Variants in IGF2BP2 observed in about 807,000 individuals in gnomAD.
IGF2BP2 encodes insulin-like growth factor 2 mRNA-binding protein 2.
A neutral mutation model predicts 75.8 loss-of-function variants in IGF2BP2; 17 were observed. The ratio of observed to expected loss-of-function variants is 0.22; its 90% CI spans 0.15 to 0.34. The LOEUF (loss-of-function observed/expected upper bound fraction) is 0.34. IGF2BP2 is among the 10% of genes least tolerant of loss of function. IGF2BP2 has a pLI of 1.00. For synonymous variants in IGF2BP2, 288 were observed against 295.6 expected (o/e 0.97, Z 0.26); for missense variants, 516 against 772.4 (o/e 0.67, Z 3.93).
chr3:185,702,225 C>T (rs1723403260), intron 2 of IGF2BP2, among the ~76,000 whole-genome samples: 1 of 152,248 alleles, frequency 6.6e-6, no homozygotes, highest in Admixed American at 6.5e-5. Context: ...GAAGAGCACT[C>T]CTGCTGCTGG....
chr3:185,676,356 C>T (rs920543976), intron 7 of IGF2BP2, among the ~76,000 whole-genome samples: 2 of 152,088 alleles, frequency 1.3e-5, no homozygotes, highest in African/African-American at 2.4e-5. Flanking sequence ...AGCTGAGAAG[C>T]TATAATATGA....
intron 2 of IGF2BP2, chr3:185,713,267 T>C (rs889170780): frequency 5.6e-6 from 2 of 354,158 alleles, no homozygotes; most frequent in Non-Finnish European, 5.6e-6. Flanking sequence ...TGTTGGTTAA[T>C]TAGTAATATA....
At chr3:185,738,976 CAA>C (rs1321812593) in intron 2 of IGF2BP2, among the ~76,000 whole-genome samples, 2 of 151,696 alleles carry the variant, frequency 1.3e-5, no homozygotes, top group East Asian at 3.9e-4. Flanking sequence ...ATTGGAGCTA[CAA>C]AAAAAGTCAC....
At chr3:185,720,073 A>G (rs1215275131) in intron 2 of IGF2BP2, among the ~76,000 whole-genome samples, 1 of 152,166 alleles carries the variant, frequency 6.6e-6, no homozygotes, top group Non-Finnish European at 1.5e-5. Flanking sequence ...CCCCCAGGCA[A>G]CCTTCCATCA....
At chr3:185,821,678 A>C (rs902096265) in intron 2 of IGF2BP2, among the ~76,000 whole-genome samples, 4 of 152,174 alleles carry the variant, frequency 2.6e-5, no homozygotes, top group African/African-American at 7.2e-5. Context: ...AGTATTCACA[A>C]CCGCAAACAG....
intron 2 of IGF2BP2, among the ~76,000 whole-genome samples, chr3:185,798,624 G>A (rs957253368): frequency 1.3e-5 from 2 of 152,016 alleles, no homozygotes; most frequent in Admixed American, 1.3e-4. Flanking sequence ...TGATCAGGAC[G>A]TTAACACCCA....
Position 185,768,223 on chromosome 3 carries a change from G to A in IGF2BP2, c.239+54930C>T, listed in dbSNP as rs537317493. ...TAGCTCTTTACCTCCTACAGAAAAA[G>A]GAAAAAGGAAAGTTGAGAACTTTCC... is the stretch of plus-strand genomic sequence containing the variant. On this transcript the variant is annotated intron_variant, in intron 2 of 15. Coordinates refer to ENST00000382199, the MANE Select transcript of IGF2BP2 (RefSeq NM_006548.6). Among the ~76,000 whole-genome samples, 3 of 152,222 alleles carry A rather than the reference G, an allele frequency of 2.0e-5. No individual in the cohort carries two copies. The South Asian group carries it at 6.2e-4, about 32-fold the overall frequency.
At chr3:185,720,407 C>T (rs1027704410) in intron 2 of IGF2BP2, among the ~76,000 whole-genome samples, 2 of 152,180 alleles carry the variant, frequency 1.3e-5, no homozygotes, top group African/African-American at 4.8e-5. Context: ...TGTAATGGTG[C>T]GATCTCGACT....
intron 2 of IGF2BP2, among the ~76,000 whole-genome samples, chr3:185,742,849 C>T (rs957220356): frequency 2.0e-4 from 31 of 152,226 alleles, no homozygotes; most frequent in African/African-American, 6.7e-4. Flanking sequence ...GCCTGTAATC[C>T]CAGCACTTTG....
chr3:185,685,552 T>C (rs1382937161), intron 7 of IGF2BP2, among the ~76,000 whole-genome samples: 1 of 152,214 alleles, frequency 6.6e-6, no homozygotes, highest in Non-Finnish European at 1.5e-5. Context: ...ATCTTGGTTT[T>C]GGAACACTCA....
intron 2 of IGF2BP2, chr3:185,728,694 A>C (rs1727708922): frequency 6.6e-6 from 1 of 152,224 alleles, no homozygotes; most frequent in Non-Finnish European, 1.5e-5. Flanking sequence ...CAGAGAGTAC[A>C]CAGTCACGAA....
chr3:185,793,632 AAG>A (rs1261687011), intron 2 of IGF2BP2, among the ~76,000 whole-genome samples: 2 of 152,206 alleles, frequency 1.3e-5, no homozygotes, highest in African/African-American at 4.8e-5. Context: ...CAGCCTAGGT[AAG>A]AGAGACTCTT....
At chr3:185,815,731 T>C (rs1740514361) in intron 2 of IGF2BP2, among the ~76,000 whole-genome samples, 1 of 152,100 alleles carries the variant, frequency 6.6e-6, no homozygotes, top group African/African-American at 2.4e-5. Flanking sequence ...TTCTTTCACC[T>C]ATTTTTTTTT....
At chr3:185,723,781 A>G (rs1315348883) in intron 2 of IGF2BP2, among the ~76,000 whole-genome samples, 1 of 152,196 alleles carries the variant, frequency 6.6e-6, no homozygotes, top group Non-Finnish European at 1.5e-5. Flanking sequence ...AAGAACAGAC[A>G]GCATACGATG....
At chr3:185,715,661 G>T (rs1254617429) in intron 2 of IGF2BP2, among the ~76,000 whole-genome samples, 5 of 147,352 alleles carry the variant, frequency 3.4e-5, no homozygotes, top group Non-Finnish European at 6.0e-5. Flanking sequence ...CTTTTTTTTT[G>T]AGATGGAGTT....
intron 2 of IGF2BP2, among the ~76,000 whole-genome samples, chr3:185,803,534 TTTAAA>T (rs752060396): frequency 1.3e-5 from 2 of 152,232 alleles, no homozygotes; most frequent in Non-Finnish European, 2.9e-5. Flanking sequence ...ATTGCCATGA[TTTAAA>T]TTAAACGTTT....
At chr3:185,811,285 AC>A (rs1220415621) in intron 2 of IGF2BP2, among the ~76,000 whole-genome samples, 2 of 152,192 alleles carry the variant, frequency 1.3e-5, no homozygotes, top group South Asian at 2.1e-4. Context: ...TAAGATCCAT[AC>A]GAGTTAATCC....
At chr3:185,679,112 GTAAT>G in intron 7 of IGF2BP2, among the ~76,000 whole-genome samples, 1 of 152,306 alleles carries the variant, frequency 6.6e-6, no homozygotes, top group East Asian at 1.9e-4. Context: ...GCACTTAAAA[GTAAT>G]TACTGATAGG....
At chr3:185,770,276 G>A (rs1276769449) in intron 2 of IGF2BP2, among the ~76,000 whole-genome samples, 1 of 152,174 alleles carries the variant, frequency 6.6e-6, no homozygotes, top group Non-Finnish European at 1.5e-5. Context: ...CTCAGGACTG[G>A]TCGAGCAGGA....
Sources: gnomAD v4.1 joint callset for allele counts (sites outside exome capture counted in the v4.1 genomes callset) on GRCh38, gnomAD v4.1.1 for gene constraint, MANE v1.5 for transcripts, NCBI Gene and HGNC (gene_info 2026-07-23, HGNC 2026-07-21) for gene names.